The following IGSF11 variants were observed in gnomAD, a reference collection of about 807,000 sequenced individuals.
The protein encoded by IGSF11 is CXADR like 1.
A neutral mutation model predicts 41.0 loss-of-function variants in IGSF11; 22 were observed. The ratio of observed to expected loss-of-function variants is 0.54; its 90% CI spans 0.38 to 0.77. IGSF11 has a LOEUF of 0.77. IGSF11 is among the 30% of genes least tolerant of loss of function. IGSF11 has a pLI of 0.00. For missense variants in IGSF11, 444 were observed against 530.8 expected (o/e 0.84, Z 1.61); for synonymous variants, 219 against 201.3 (o/e 1.09, Z -0.74).
Position 119,029,274 on chromosome 3 carries a change from A to ACC in IGSF11, c.52+5255_52+5256dup, listed in dbSNP as rs1553716798. 3.0e-3 allele frequency among the ~76,000 whole-genome samples: 426 copies of ACC among 143,806 alleles called. 1 individual carries two copies. Among genetic ancestry groups the ACC allele is most frequent in the Non-Finnish European group, 5.0e-3 (325 of 65,214 alleles). The allele number at this position is 143,806 out of a possible 152,430, so 94.3% of individuals were successfully genotyped here. On this transcript the variant is annotated intron_variant, in intron 1 of 6. Coordinates refer to ENST00000393775, the MANE Select transcript of IGSF11 (RefSeq NM_001015887.3). Reference sequence around the variant, plus strand: ...CACACACACACACACACACACACACACCCGAGAGAGAGAGAGAATGCGAGA... The same window carrying ACC: ...CACACACACACACACACACACACACACCCCCGAGAGAGAGAGAGAATGCGAGA...
upstream of IGSF11, among the ~76,000 whole-genome samples, chr3:119,107,523 C>G (rs1485248679): frequency 4.6e-5 from 7 of 151,904 alleles, no homozygotes; most frequent in Non-Finnish European, 8.8e-5. Flanking sequence ...AAAATTTTCT[C>G]CCATTCTGTA....
chr3:118,999,128 T>C (rs1936558850), intron 1 of IGSF11, among the ~76,000 whole-genome samples: 1 of 151,844 alleles, frequency 6.6e-6, no homozygotes, highest in Admixed American at 6.6e-5. Context: ...AATCTGACAA[T>C]ACTAATGCCC....
chr3:119,044,278 C>A (rs890259407), intron 1 of IGSF11, among the ~76,000 whole-genome samples: 17 of 152,024 alleles, frequency 1.1e-4, no homozygotes, highest in Non-Finnish European at 2.2e-4. Context: ...TGGGAAGTTT[C>A]AGCAATCAAA....
At chr3:118,922,991 C>T (rs1330527314) in intron 4 of IGSF11, among the ~76,000 whole-genome samples, 1 of 152,112 alleles carries the variant, frequency 6.6e-6, no homozygotes, top group African/African-American at 2.4e-5. Flanking sequence ...GTTCCAGACC[C>T]TCCTAGAAAC....
intron 1 of IGSF11, among the ~76,000 whole-genome samples, chr3:119,126,075 C>T (rs1430175465): frequency 1.3e-5 from 2 of 152,214 alleles, no homozygotes; most frequent in African/African-American, 4.8e-5. Flanking sequence ...TTGAGCTCCT[C>T]GAGGGAGGGG....
intron 1 of IGSF11, among the ~76,000 whole-genome samples, chr3:119,120,268 C>A (rs1386190924): frequency 6.6e-6 from 1 of 152,160 alleles, no homozygotes; most frequent in Non-Finnish European, 1.5e-5. Context: ...GGCTTAAAAA[C>A]AAAAGCAATA....
At chr3:118,996,197 C>A (rs1462454396) in intron 1 of IGSF11, among the ~76,000 whole-genome samples, 1 of 152,218 alleles carries the variant, frequency 6.6e-6, no homozygotes, top group Admixed American at 6.5e-5. Flanking sequence ...ATTGAACTCT[C>A]TTGCCCCTTG....
chr3:118,908,292 C>A (rs1939858514), intron 4 of IGSF11, among the ~76,000 whole-genome samples: 1 of 152,152 alleles, frequency 6.6e-6, no homozygotes, highest in Non-Finnish European at 1.5e-5. Context: ...ATACTATGAC[C>A]ATGTTTCTGT....
chr3:118,991,111 C>G (rs1366103329), intron 1 of IGSF11, among the ~76,000 whole-genome samples: 2 of 152,164 alleles, frequency 1.3e-5, no homozygotes, highest in African/African-American at 4.8e-5. Flanking sequence ...ATAAAACTCA[C>G]TTAGAAAGGA....
intron 1 of IGSF11, among the ~76,000 whole-genome samples, chr3:118,981,196 G>T (rs1415635582): frequency 6.6e-6 from 1 of 151,984 alleles, no homozygotes; most frequent in African/African-American, 2.4e-5. Context: ...TTTGAAACAG[G>T]TTCTCACTCG....
At chr3:118,926,654 C>A (rs556283188) in intron 3 of IGSF11, among the ~76,000 whole-genome samples, 10 of 152,286 alleles carry the variant, frequency 6.6e-5, no homozygotes, top group African/African-American at 2.4e-4. Flanking sequence ...CATTATCCTG[C>A]CCTGGCGAAA....
intron 1 of IGSF11, among the ~76,000 whole-genome samples, chr3:119,064,365 G>GGTTTTCCC (rs1196185384): frequency 6.6e-6 from 1 of 151,980 alleles, no homozygotes; most frequent in Non-Finnish European, 1.5e-5. Context: ...ATGTGTAGGG[G>GGTTTTCCC]GTTTTCCCTC....
intron 1 of IGSF11, among the ~76,000 whole-genome samples, chr3:118,968,350 A>G (rs1165753280): frequency 1.3e-5 from 2 of 152,166 alleles, no homozygotes; most frequent in Non-Finnish European, 2.9e-5. Context: ...CCAGGGAATT[A>G]TAGACAATAG....
chr3:119,126,282 T>C (rs2077404147), intron 1 of IGSF11, among the ~76,000 whole-genome samples: 1 of 152,228 alleles, frequency 6.6e-6, no homozygotes, highest in Admixed American at 6.5e-5. Context: ...TCTTCAGGTC[T>C]AACCCTGACC....
chr3:119,024,153 T>C (rs764347631), intron 1 of IGSF11, among the ~76,000 whole-genome samples: 2 of 152,168 alleles, frequency 1.3e-5, no homozygotes, highest in African/African-American at 2.4e-5. Context: ...ATTAATTTGT[T>C]CAAAGAAATG....
intron 1 of IGSF11, among the ~76,000 whole-genome samples, chr3:118,945,636 G>A (rs758636514): frequency 3.9e-5 from 6 of 152,186 alleles, no homozygotes; most frequent in Non-Finnish European, 5.9e-5. Context: ...ATTGTTGACA[G>A]CATCTGATCT....
intron 1 of IGSF11, among the ~76,000 whole-genome samples, chr3:118,969,041 C>G (rs1263804659): frequency 6.6e-6 from 1 of 152,026 alleles, no homozygotes; most frequent in African/African-American, 2.4e-5. Context: ...CTATGCCCAC[C>G]ATATGCTAGC....
At chr3:119,070,536 A>C (rs1473481268) in intron 1 of IGSF11, among the ~76,000 whole-genome samples, 1 of 152,264 alleles carries the variant, frequency 6.6e-6, no homozygotes, top group Non-Finnish European at 1.5e-5. Context: ...CTATCTGGAC[A>C]GCTAAGGATC....
At chr3:119,135,040 A>G (rs965154793) in intron 1 of IGSF11, among the ~76,000 whole-genome samples, 4 of 152,232 alleles carry the variant, frequency 2.6e-5, no homozygotes, top group African/African-American at 4.8e-5. Context: ...TCCCTTCCTT[A>G]CACCTTACAG....
Sources: gnomAD v4.1 joint callset for allele counts (sites outside exome capture counted in the v4.1 genomes callset) on GRCh38, gnomAD v4.1.1 for gene constraint, MANE v1.5 for transcripts, NCBI Gene and HGNC (gene_info 2026-07-23, HGNC 2026-07-21) for gene names.